Variants in GABRB3 observed in about 807,000 individuals in gnomAD.
The protein encoded by GABRB3 is gamma-aminobutyric acid type A receptor subunit beta3, also known as gamma-aminobutyric acid receptor subunit beta-3.
Under a neutral mutation model 52.1 loss-of-function variants are expected in GABRB3, and 14 were observed. That is an observed-to-expected ratio of 0.27 (90% CI 0.18 to 0.42). GABRB3 has a LOEUF of 0.42. Among genes scored for constraint, GABRB3 ranks in the 10% least tolerant of loss-of-function variants. GABRB3 has a pLI of 1.00. For synonymous variants in GABRB3, 260 were observed against 232.3 expected (o/e 1.12, Z -1.08); for missense variants, 307 against 609.1 (o/e 0.50, Z 5.22).
intron 4 of GABRB3, among the ~76,000 whole-genome samples, chr15:26,602,410 G>T (rs1426661579): frequency 6.6e-6 from 1 of 152,096 alleles, no homozygotes; most frequent in Non-Finnish European, 1.5e-5. Context: ...AACAAAGATG[G>T]ATTTAATAAA....
At chr15:26,603,140 T>C (rs932986033) in intron 4 of GABRB3, among the ~76,000 whole-genome samples, 3 of 151,944 alleles carry the variant, frequency 2.0e-5, no homozygotes, top group Non-Finnish European at 2.9e-5. Context: ...AGCAACTATT[T>C]ACCAATAAAC....
At chr15:26,593,990 A>G (rs1891302515) in intron 4 of GABRB3, among the ~76,000 whole-genome samples, 1 of 101,390 alleles carries the variant, frequency 9.9e-6, no homozygotes, top group African/African-American at 3.7e-5. Flanking sequence ...AAATATATAT[A>G]TATATATATA....
chr15:26,561,715 G>A (rs118169199), intron 7 of GABRB3, among the ~76,000 whole-genome samples: 8,671 of 152,280 alleles, frequency 0.057, 342 homozygotes, highest in South Asian at 0.12. Flanking sequence ...CAAGAGGAAT[G>A]AGGCAATGAT....
chr15:26,629,009 C>A (rs560747226), intron 3 of GABRB3: 1 of 1,536,170 alleles, frequency 6.5e-7, no homozygotes. Context: ...CACATGGGGA[C>A]ACGAGGGAGT....
intron 3 of GABRB3, among the ~76,000 whole-genome samples, chr15:26,765,364 ATACTT>A (rs1566835033): frequency 6.6e-6 from 1 of 152,176 alleles, no homozygotes; most frequent in African/African-American, 2.4e-5. Context: ...CAGCTACAGA[ATACTT>A]TACAGACTTT....
intron 6 of GABRB3, among the ~76,000 whole-genome samples, chr15:26,573,373 A>C (rs146210571): frequency 0.011 from 1,718 of 152,366 alleles, 21 homozygotes; most frequent in African/African-American, 0.036. Context: ...AATATAAGAA[A>C]TAGAAAAGAG....
chr15:26,577,267 C>T (rs1276255296), intron 6 of GABRB3, among the ~76,000 whole-genome samples: 1 of 152,164 alleles, frequency 6.6e-6, no homozygotes, highest in African/African-American at 2.4e-5. Flanking sequence ...AATCCCAGCA[C>T]TTTGGCAGGC....
At chr15:26,761,455 G>A (rs936493648) in intron 3 of GABRB3, among the ~76,000 whole-genome samples, 3 of 151,790 alleles carry the variant, frequency 2.0e-5, no homozygotes, top group African/African-American at 4.8e-5. Context: ...CTCCAGAGGA[G>A]GCCAAATACT....
At chr15:26,674,387 C>T (rs189986233) in intron 3 of GABRB3, among the ~76,000 whole-genome samples, 24 of 86,256 alleles carry the variant, frequency 2.8e-4, no homozygotes, top group East Asian at 2.7e-3. Flanking sequence ...GGTGACAGAG[C>T]GAGACTCAGT....
At chr15:26,712,958 C>T (rs2140132359) in intron 3 of GABRB3, among the ~76,000 whole-genome samples, 1 of 152,342 alleles carries the variant, frequency 6.6e-6, no homozygotes, top group South Asian at 2.1e-4. Flanking sequence ...CCGCATCATG[C>T]TGGCTGCACA....
At chr15:26,766,408 G>A (rs1409878652) in intron 3 of GABRB3, among the ~76,000 whole-genome samples, 1 of 152,104 alleles carries the variant, frequency 6.6e-6, no homozygotes, top group Non-Finnish European at 1.5e-5. Flanking sequence ...TCCAAGAGAT[G>A]TGACACCCTA....
intron 4 of GABRB3, among the ~76,000 whole-genome samples, chr15:26,589,443 C>T (rs11161319): frequency 0.27 from 41,228 of 151,998 alleles, 7,305 homozygotes; most frequent in East Asian, 0.79. Flanking sequence ...CAATCTCTTC[C>T]CCCATTTGTA....
At chr15:26,660,560 A>G (rs1379172654) in intron 3 of GABRB3, among the ~76,000 whole-genome samples, 1 of 152,208 alleles carries the variant, frequency 6.6e-6, no homozygotes, top group Non-Finnish European at 1.5e-5. Context: ...AAATCTGGCG[A>G]AAGTCCAGGC....
chr15:26,664,234 A>T (rs1887634070), intron 3 of GABRB3, among the ~76,000 whole-genome samples: 1 of 152,100 alleles, frequency 6.6e-6, no homozygotes, highest in Non-Finnish European at 1.5e-5. Context: ...TTTTGTAGAG[A>T]TGGGGTCTTG....
At chr15:26,594,681 T>C (rs1891331794) in intron 4 of GABRB3, among the ~76,000 whole-genome samples, 1 of 152,050 alleles carries the variant, frequency 6.6e-6, no homozygotes, top group African/African-American at 2.4e-5. Context: ...TTTATTATTA[T>C]TTACTTATTT....
chr15:26,735,773 A>C (rs1890048425), intron 3 of GABRB3, among the ~76,000 whole-genome samples: 1 of 150,416 alleles, frequency 6.6e-6, no homozygotes, highest in African/African-American at 2.5e-5. Context: ...ATATAGGGAG[A>C]CCCCATTTCC....
intron 3 of GABRB3, among the ~76,000 whole-genome samples, chr15:26,649,765 T>TAA (rs1887139115): frequency 6.6e-6 from 1 of 151,134 alleles, no homozygotes; most frequent in South Asian, 2.1e-4. Flanking sequence ...GATGCATAGA[T>TAA]AGATGGTAGC....
At chr15:26,557,990 A>C (rs1889819556) in intron 8 of GABRB3, 1 of 152,202 alleles carries the variant, frequency 6.6e-6, no homozygotes, top group South Asian at 2.1e-4. Context: ...ATTTAGAAGA[A>C]AAAAATTTAT....
intron 4 of GABRB3, chr15:26,611,868 G>A (rs965200548): frequency 6.6e-6 from 1 of 152,182 alleles, no homozygotes; most frequent in Non-Finnish European, 1.5e-5. Flanking sequence ...TTGGCAGTTT[G>A]ACAATTCCTT....
Sources: gnomAD v4.1 joint callset for allele counts (sites outside exome capture counted in the v4.1 genomes callset) on GRCh38, gnomAD v4.1.1 for gene constraint, MANE v1.5 for transcripts, NCBI Gene and HGNC (gene_info 2026-07-23, HGNC 2026-07-21) for gene names.